Variants in KLHL29 observed in about 807,000 individuals in gnomAD.
KLHL29 encodes the protein kelch like family member 29, also known as kelch-like protein 29.
Under a neutral mutation model 80.4 loss-of-function variants are expected in KLHL29, and 21 were observed. The ratio of observed to expected loss-of-function variants is 0.26; its 90% CI spans 0.19 to 0.38. The LOEUF (loss-of-function observed/expected upper bound fraction) is 0.38, where lower values mean the gene tolerates loss of function less well. KLHL29 is among the 10% of genes least tolerant of loss of function. The pLI is 1.00. For missense variants in KLHL29, 867 were observed against 1,223.9 expected (o/e 0.71, Z 4.35); for synonymous variants, 511 against 526.8 (o/e 0.97, Z 0.41).
At chr2:23,611,227 A>C (rs990450841) in intron 3 of KLHL29, among the ~76,000 whole-genome samples, 1 of 152,188 alleles carries the variant, frequency 6.6e-6, no homozygotes, top group Non-Finnish European at 1.5e-5. Flanking sequence ...CGTGGAGGTA[A>C]GCCTTATGCT....
At chr2:23,414,390 T>C (rs941948716) in intron 1 of KLHL29, among the ~76,000 whole-genome samples, 2 of 152,180 alleles carry the variant, frequency 1.3e-5, no homozygotes, top group African/African-American at 4.8e-5. Flanking sequence ...GAGAAAGAGA[T>C]GTCTCCATCC....
chr2:23,433,325 G>T (rs979217588), intron 1 of KLHL29, among the ~76,000 whole-genome samples: 3 of 152,254 alleles, frequency 2.0e-5, no homozygotes, highest in Non-Finnish European at 2.9e-5. Context: ...AGCTGCTAGG[G>T]CATTCCCCGG....
intron 1 of KLHL29, among the ~76,000 whole-genome samples, chr2:23,442,330 T>C (rs556224071): frequency 6.6e-6 from 1 of 152,192 alleles, no homozygotes; most frequent in African/African-American, 2.4e-5. Flanking sequence ...TGGGCTCAAG[T>C]GATCCTCCCA....
At chr2:23,433,095 G>A (rs183035007) in intron 1 of KLHL29, among the ~76,000 whole-genome samples, 155 of 152,312 alleles carry the variant, frequency 1.0e-3, no homozygotes, top group Middle Eastern at 3.4e-3. Context: ...ACCTCCTGCC[G>A]TCTGGCCGGT....
At chr2:23,591,427 C>T (rs1410413018) in intron 3 of KLHL29, among the ~76,000 whole-genome samples, 1 of 152,104 alleles carries the variant, frequency 6.6e-6, no homozygotes, top group Non-Finnish European at 1.5e-5. Flanking sequence ...CACAGCACTT[C>T]AGACTCACTT....
chr2:23,660,388 C>T (rs559656063), intron 5 of KLHL29, among the ~76,000 whole-genome samples: 1 of 152,338 alleles, frequency 6.6e-6, no homozygotes, highest in South Asian at 2.1e-4. Context: ...CTGGGAAAGT[C>T]AAGTGTGGGC....
intron 5 of KLHL29, among the ~76,000 whole-genome samples, chr2:23,656,617 T>A (rs907721657): frequency 6.6e-6 from 1 of 152,224 alleles, no homozygotes; most frequent in African/African-American, 2.4e-5. Flanking sequence ...AGCTGAGAAG[T>A]TCTTCCAGAC....
chr2:23,671,251 GC>G (rs1670748235), intron 5 of KLHL29, among the ~76,000 whole-genome samples: 1 of 151,894 alleles, frequency 6.6e-6, no homozygotes, highest in African/African-American at 2.4e-5. Flanking sequence ...GGAAGTAATG[GC>G]TTTTACTGGA....
At chr2:23,478,147 A>T (rs933253769) in intron 2 of KLHL29, among the ~76,000 whole-genome samples, 1 of 152,046 alleles carries the variant, frequency 6.6e-6, no homozygotes, top group Non-Finnish European at 1.5e-5. Flanking sequence ...TTCCTGGAGG[A>T]TGGGAATCAT....
chr2:23,583,970 C>T lies in KLHL29; in HGVS notation c.285+21489C>T, dbSNP rs1477601319. ...ACACTCCTTCCCGTTAAAGACTGTG[C>T]TTTGACTGTGTTATTGCCAGCAGGT... On this transcript the variant is annotated intron_variant, in intron 3 of 13. Transcript: ENST00000486442. Among the ~76,000 whole-genome samples, 5 of 152,330 alleles carry T rather than the reference C, an allele frequency of 3.3e-5. No homozygotes were observed. The East Asian group carries it at 9.6e-4, about 29-fold the overall frequency.
At chr2:23,478,779 G>C (rs553093595) in intron 2 of KLHL29, among the ~76,000 whole-genome samples, 1 of 152,188 alleles carries the variant, frequency 6.6e-6, no homozygotes, top group East Asian at 1.9e-4. Flanking sequence ...GTCTGTCCAG[G>C]CCGTTTGTCC....
chr2:23,433,611 G>A (rs1439278507), intron 1 of KLHL29, among the ~76,000 whole-genome samples: 1 of 152,146 alleles, frequency 6.6e-6, no homozygotes, highest in African/African-American at 2.4e-5. Context: ...AAGCAATGAT[G>A]GTGTCTTGAC....
At position 23,696,699 on chromosome 2, in the gene KLHL29, G is replaced by C. The variant is rs994898619; in HGVS notation, c.2105+186G>C. On this transcript the variant is annotated intron_variant, in intron 11 of 13. Transcript: ENST00000486442. This position sits in a 1 kb window ranked among gnomAD's most constrained non-coding sequence, Gnocchi z 5.5. ...GGCAGCAGGGTGTGGGATACAAGCA[G>C]ATGGGATGACATCTGTGTCACCTTT... is the stretch of plus-strand genomic sequence containing the variant. 14 of 551,856 alleles carry C rather than the reference G, an allele frequency of 2.5e-5. No homozygotes were observed. Among genetic ancestry groups the C allele is most frequent in the Non-Finnish European group, 3.8e-5 (12 of 315,950 alleles). The allele number at this position is 551,856 out of a possible 1,614,324, so 34.2% of individuals were successfully genotyped here. A position where few individuals can be genotyped will look rare whatever the true frequency, so the allele number is the denominator to read the frequency against.
At chr2:23,691,548 T>C (rs568173335) in intron 6 of KLHL29, 126 bp from the exon 7 acceptor site, 66 of 709,872 alleles carry the variant, frequency 9.3e-5, no homozygotes, top group Middle Eastern at 7.6e-4. Flanking sequence ...AGGTGTGTCA[T>C]TGCCGTGTCC....
At chr2:23,627,439 C>T (rs1669343414) in intron 3 of KLHL29, among the ~76,000 whole-genome samples, 1 of 152,218 alleles carries the variant, frequency 6.6e-6, no homozygotes, top group South Asian at 2.1e-4. Flanking sequence ...GGAACATTCC[C>T]ACCACGGAGC....
chr2:23,566,339 C>G (rs1667589285), intron 3 of KLHL29, among the ~76,000 whole-genome samples: 1 of 152,222 alleles, frequency 6.6e-6, no homozygotes, highest in Non-Finnish European at 1.5e-5. Flanking sequence ...GCCCCTCATT[C>G]TACAGGTCAC....
chr2:23,681,684 C>G lies in KLHL29; in HGVS notation c.941-2715C>G, dbSNP rs1045256077. On this transcript the variant is annotated intron_variant, in intron 5 of 13. Coordinates refer to ENST00000486442, the MANE Select transcript of KLHL29 (RefSeq NM_052920.2). This position sits in a 1 kb window ranked among gnomAD's most constrained non-coding sequence, Gnocchi z 4.2. ...AGGCCCAGAAAGCTGGGGTGCTGGC[C>G]CAGGGTCACACACCAATTAGTGGCA... Among the ~76,000 whole-genome samples, 11 of 152,106 alleles carry G rather than the reference C, an allele frequency of 7.2e-5. No individual in the cohort carries two copies. Among genetic ancestry groups the G allele is most frequent in the Middle Eastern group, 3.2e-3 (1 of 316 alleles).
intron 2 of KLHL29, among the ~76,000 whole-genome samples, chr2:23,492,155 G>A (rs1252813549): frequency 1.3e-5 from 2 of 152,182 alleles, no homozygotes; most frequent in South Asian, 2.1e-4. Flanking sequence ...TGTGCTGAAA[G>A]CATACCACCC....
intron 3 of KLHL29, among the ~76,000 whole-genome samples, chr2:23,572,732 G>T (rs1026399605): frequency 2.1e-5 from 3 of 142,790 alleles, no homozygotes; most frequent in Non-Finnish European, 3.0e-5. Context: ...ACGGAGTCTC[G>T]CTCTGTCACC....
Sources: gnomAD v4.1 joint callset for allele counts (sites outside exome capture counted in the v4.1 genomes callset) on GRCh38, gnomAD v4.1.1 for gene constraint, Gnocchi (gnomAD v3.1) non-coding constraint, MANE v1.5 for transcripts, NCBI Gene and HGNC (gene_info 2026-07-23, HGNC 2026-07-21) for gene names.